DOCK3: variants seen among roughly 807,000 people sequenced by gnomAD.
DOCK3 encodes dedicator of cytokinesis protein 3.
DOCK3 carries 60 observed loss-of-function variants against 265.6 expected under a neutral mutation model. The observed-to-expected ratio is 0.23, with a 90% CI of 0.18 to 0.28. The LOEUF is 0.28. DOCK3 is among the 10% of genes least tolerant of loss of function. The probability of loss-of-function intolerance (pLI) is 1.00; values close to 1 mark genes in which losing one functional copy is unlikely to be tolerated. For synonymous variants in DOCK3, 881 were observed against 938.0 expected (o/e 0.94, Z 1.11); for missense variants, 1,981 against 2,594.3 (o/e 0.76, Z 5.14).
intron 2 of DOCK3, among the ~76,000 whole-genome samples, chr3:50,794,702 T>C (rs2042673048): frequency 6.6e-6 from 1 of 152,204 alleles, no homozygotes; most frequent in Non-Finnish European, 1.5e-5. Context: ...TCTGCACCTT[T>C]TAATTGGGGC....
intron 5 of DOCK3, among the ~76,000 whole-genome samples, chr3:50,983,213 T>A (rs747413663): frequency 2.0e-5 from 3 of 152,042 alleles, no homozygotes; most frequent in Non-Finnish European, 4.4e-5. Context: ...GCGGCTCTGG[T>A]GCTGGCCTGC....
Position 51,049,573 on chromosome 3 carries a change from G to C in DOCK3, c.316-14875G>C, listed in dbSNP as rs966626405. On this transcript the variant is annotated intron_variant, in intron 5 of 52. Coordinates refer to ENST00000266037, the MANE Select transcript of DOCK3 (RefSeq NM_004947.5). ...TGTGACCCATCATATGGGGTTAGGT[G>C]TGGAATTTTTCACTTGTAATGTCAT... Among the ~76,000 whole-genome samples, 5 of 152,164 alleles carry C rather than the reference G, an allele frequency of 3.3e-5. No individual in the cohort carries two copies. In the East Asian group the frequency reaches 9.7e-4, roughly 29 times the overall value.
At chr3:51,260,437 G>C (rs2079790600) in intron 23 of DOCK3, 111 bp downstream of exon 23, 2 of 1,249,970 alleles carry the variant, frequency 1.6e-6, no homozygotes, top group Non-Finnish European at 2.1e-6. Context: ...CATGTGTGTT[G>C]GGTAAGGGAT....
At position 50,917,037 on chromosome 3, in the gene DOCK3, A is replaced by G. The variant is rs543164297; in HGVS notation, c.219-16944A>G. Among the ~76,000 whole-genome samples, 5 of 152,130 alleles carry G rather than the reference A, an allele frequency of 3.3e-5. No homozygotes were observed. The East Asian group carries it at 9.6e-4, about 29-fold the overall frequency. On this transcript the variant is annotated intron_variant, in intron 4 of 52. Coordinates refer to ENST00000266037, the MANE Select transcript of DOCK3 (RefSeq NM_004947.5). ...TTAGAGGAAAGACACGGATGTTCCA[A>G]TTACTTGTCATAGTAATGATGTATT...
intron 22 of DOCK3, among the ~76,000 whole-genome samples, chr3:51,258,600 T>C (rs1239408186): frequency 6.6e-6 from 1 of 152,042 alleles, no homozygotes; most frequent in Non-Finnish European, 1.5e-5. Flanking sequence ...ACCTCCTGGG[T>C]TCACGCCATT....
chr3:50,936,428 C>T (rs558484283), intron 5 of DOCK3, among the ~76,000 whole-genome samples: 21 of 150,232 alleles, frequency 1.4e-4, no homozygotes, highest in Admixed American at 5.3e-4. Context: ...TCCAGTTTGG[C>T]GGAAGACATA....
intron 5 of DOCK3, among the ~76,000 whole-genome samples, chr3:50,984,512 GC>G (rs1157324075): frequency 1.3e-5 from 2 of 152,104 alleles, no homozygotes; most frequent in Non-Finnish European, 2.9e-5. Context: ...CTTTTGGCTG[GC>G]ATTTTTTTCT....
intron 9 of DOCK3, among the ~76,000 whole-genome samples, chr3:51,119,832 C>T (rs1434578020): frequency 1.3e-5 from 2 of 151,986 alleles, no homozygotes; most frequent in African/African-American, 4.8e-5. Flanking sequence ...CTGTTCTTCT[C>T]TAAACTGGTT....
intron 4 of DOCK3, among the ~76,000 whole-genome samples, chr3:50,932,215 T>A (rs1366424521): frequency 6.6e-6 from 1 of 152,216 alleles, no homozygotes; most frequent in Non-Finnish European, 1.5e-5. Flanking sequence ...CTGTGGTAAG[T>A]CACACAAAAT....
intron 1 of DOCK3, among the ~76,000 whole-genome samples, chr3:50,716,957 G>A (rs895106261): frequency 1.3e-5 from 2 of 152,056 alleles, no homozygotes; most frequent in Admixed American, 1.3e-4. Context: ...AAATATTAAT[G>A]CATATTCTTA....
At chr3:51,280,281 G>A (rs1576636971) in intron 27 of DOCK3, 77 bp downstream of exon 27, 1 of 1,362,258 alleles carries the variant, frequency 7.3e-7, no homozygotes, top group Non-Finnish European at 1.0e-6. Flanking sequence ...CCCTGTCAGG[G>A]GGATGAATGC....
intron 9 of DOCK3, among the ~76,000 whole-genome samples, chr3:51,118,033 G>GT (rs1195529699): frequency 1.3e-5 from 2 of 151,926 alleles, no homozygotes; most frequent in Non-Finnish European, 2.9e-5. Flanking sequence ...TTCACTAGTT[G>GT]TTTCAATTGT....
chr3:50,926,984 G>A (rs188559551), intron 4 of DOCK3, among the ~76,000 whole-genome samples: 7 of 152,070 alleles, frequency 4.6e-5, no homozygotes, highest in East Asian at 1.9e-4. Context: ...AGCGACTCCC[G>A]TCTCACACAG....
At chr3:51,000,507 C>T (rs748641889) in intron 5 of DOCK3, among the ~76,000 whole-genome samples, 12 of 152,196 alleles carry the variant, frequency 7.9e-5, no homozygotes, top group Non-Finnish European at 1.2e-4. Context: ...ATAAAAACAC[C>T]ACAAAACTTT....
intron 1 of DOCK3, among the ~76,000 whole-genome samples, chr3:50,714,976 C>A (rs1441465138): frequency 6.6e-6 from 1 of 152,214 alleles, no homozygotes; most frequent in African/African-American, 2.4e-5. Context: ...CTGCCACATG[C>A]ACCCACTGAA....
At chr3:50,997,801 C>G (rs2078336044) in intron 5 of DOCK3, among the ~76,000 whole-genome samples, 1 of 152,058 alleles carries the variant, frequency 6.6e-6, no homozygotes, top group African/African-American at 2.4e-5. Context: ...GTAGCTTTTT[C>G]TTTAAATCAA....
At chr3:51,284,180 C>T (rs1173845063) in intron 27 of DOCK3, among the ~76,000 whole-genome samples, 1 of 152,192 alleles carries the variant, frequency 6.6e-6, no homozygotes, top group Admixed American at 6.5e-5. Flanking sequence ...CGAAGGACTG[C>T]ATCCTAAACC....
chr3:51,011,066 T>G (rs2078930529), intron 5 of DOCK3, among the ~76,000 whole-genome samples: 1 of 152,158 alleles, frequency 6.6e-6, no homozygotes, highest in Non-Finnish European at 1.5e-5. Flanking sequence ...TTTCCTTCAT[T>G]TCAACTTTGG....
intron 9 of DOCK3, among the ~76,000 whole-genome samples, chr3:51,115,798 T>G (rs2083709668): frequency 6.6e-6 from 1 of 152,240 alleles, no homozygotes; most frequent in Non-Finnish European, 1.5e-5. Flanking sequence ...AAGTCTTTAA[T>G]CCATCTTGAG....
Sources: allele counts gnomAD v4.1 joint callset (sites outside exome capture counted in the v4.1 genomes callset), GRCh38; gene constraint gnomAD v4.1.1; transcripts MANE v1.5; gene names NCBI Gene and HGNC (gene_info 2026-07-23, HGNC 2026-07-21).